Variants in MAGED1 observed in about 807,000 individuals in gnomAD.
MAGED1 encodes the protein MAGE family member D1.
MAGED1 carries 3 observed loss-of-function variants against 54.1 expected under a neutral mutation model. That is an observed-to-expected ratio of 0.06 (90% CI 0.03 to 0.14). The LOEUF is 0.14. Among genes scored for constraint, MAGED1 ranks in the 10% least tolerant of loss-of-function variants. The pLI, the probability that MAGED1 is intolerant of heterozygous loss-of-function variation, is 1.00. For synonymous variants in MAGED1, 217 were observed against 227.3 expected (o/e 0.95, Z 0.41); for missense variants, 485 against 623.4 (o/e 0.78, Z 2.36).
At chrX:51,881,203 A>T (rs1928038313) in intron 1 of MAGED1, among the ~76,000 whole-genome samples, 1 of 110,167 alleles carries the variant, frequency 9.1e-6, no homozygotes. Flanking sequence ...AAGGTCATTA[A>T]TCTCATTATG....
chrX:51,827,423 AG>A (rs1437622836), intron 1 of MAGED1, among the ~76,000 whole-genome samples: 1 of 112,156 alleles, frequency 8.9e-6, no homozygotes, highest in Non-Finnish European at 1.9e-5. Flanking sequence ...TGGGATTTTT[AG>A]GGCAGTGAAT....
At chrX:51,870,403 T>G (rs1197313771) in intron 1 of MAGED1, among the ~76,000 whole-genome samples, 1 of 112,029 alleles carries the variant, frequency 8.9e-6, no homozygotes, top group Non-Finnish European at 1.9e-5. Flanking sequence ...TGAAGTTTTT[T>G]TTGTTGTTGT....
At chrX:51,865,752 C>T (rs1392748553) in intron 1 of MAGED1, among the ~76,000 whole-genome samples, 1 of 110,857 alleles carries the variant, frequency 9.0e-6, no homozygotes, top group Non-Finnish European at 1.9e-5. Context: ...GATTTGTGTC[C>T]CCACCTAAAT....
intron 1 of MAGED1, among the ~76,000 whole-genome samples, chrX:51,806,202 GACCTCGTGATCC>G (rs1557355082): frequency 4.5e-5 from 5 of 109,897 alleles, no homozygotes; most frequent in Non-Finnish European, 1.9e-5. Flanking sequence ...TCGAACTCCT[GACCTCGTGATCC>G]ACCCGCCTGG....
chrX:51,865,253 A>G (rs1011048796), intron 1 of MAGED1, among the ~76,000 whole-genome samples: 3 of 112,119 alleles, frequency 2.7e-5, no homozygotes, highest in Non-Finnish European at 5.6e-5. Context: ...TATCCTGAGT[A>G]TATCTTAGAA....
At chrX:51,832,645 G>A (rs1024734604) in intron 1 of MAGED1, among the ~76,000 whole-genome samples, 4 of 111,581 alleles carry the variant, frequency 3.6e-5, no homozygotes, top group Admixed American at 9.5e-5. Context: ...AAGAAAGATT[G>A]GAAACTTGGT....
intron 1 of MAGED1, among the ~76,000 whole-genome samples, chrX:51,875,909 A>C (rs949290650): frequency 1.8e-5 from 2 of 111,614 alleles, no homozygotes; most frequent in African/African-American, 3.3e-5. Flanking sequence ...CTTGGGGTAG[A>C]TATTCACAGG....
At chrX:51,872,455 C>G (rs1927717220) in intron 1 of MAGED1, among the ~76,000 whole-genome samples, 1 of 112,059 alleles carries the variant, frequency 8.9e-6, no homozygotes, top group Non-Finnish European at 1.9e-5. Context: ...TTTTAAAGGA[C>G]TTTATCATTT....
At chrX:51,838,460 T>G (rs1476002089) in intron 1 of MAGED1, among the ~76,000 whole-genome samples, 3 of 112,470 alleles carry the variant, frequency 2.7e-5, no homozygotes, top group African/African-American at 9.7e-5. Context: ...TTCTTTCCTA[T>G]TGGCAGATTA....
At chrX:51,824,790 A>G (rs1557356837) in intron 1 of MAGED1, among the ~76,000 whole-genome samples, 2 of 96,234 alleles carry the variant, frequency 2.1e-5, no homozygotes, top group Non-Finnish European at 2.0e-5. Context: ...ACACATATAT[A>G]TACGTATATA....
intron 1 of MAGED1, among the ~76,000 whole-genome samples, chrX:51,851,754 C>T (rs1483741395): frequency 9.2e-6 from 1 of 108,877 alleles, no homozygotes; most frequent in Non-Finnish European, 1.9e-5. Context: ...GTGGTACAGC[C>T]AGAGATTTCA....
intron 1 of MAGED1, among the ~76,000 whole-genome samples, chrX:51,821,963 G>A (rs1015739962): frequency 9.0e-6 from 1 of 111,207 alleles, no homozygotes; most frequent in Non-Finnish European, 1.9e-5. Context: ...TTTTTAATAC[G>A]TGTCAGAATT....
intron 1 of MAGED1, among the ~76,000 whole-genome samples, chrX:51,813,503 A>T (rs1332907278): frequency 8.9e-6 from 1 of 111,786 alleles, no homozygotes; most frequent in African/African-American, 3.3e-5. Flanking sequence ...CACAGTAAAA[A>T]CTCAATTTAG....
At chrX:51,877,596 G>A (rs1434658321) in intron 1 of MAGED1, among the ~76,000 whole-genome samples, 1 of 111,328 alleles carries the variant, frequency 9.0e-6, no homozygotes, top group Non-Finnish European at 1.9e-5. Context: ...ATAATCTAGT[G>A]AACAAAAATA....
At chrX:51,861,113 G>C (rs2146986861) in intron 1 of MAGED1, among the ~76,000 whole-genome samples, 1 of 111,604 alleles carries the variant, frequency 9.0e-6, no homozygotes, top group South Asian at 3.8e-4. Context: ...CGGGGCTTCA[G>C]TTTCCACATT....
chrX:51,879,671 TC>T (rs1164015629), intron 1 of MAGED1, among the ~76,000 whole-genome samples: 1 of 111,955 alleles, frequency 8.9e-6, no homozygotes. Flanking sequence ...GTATTCTCTT[TC>T]TCTTCTCCAT....
chrX:51,808,578 A>G (rs2146947211), intron 1 of MAGED1, among the ~76,000 whole-genome samples: 1 of 111,425 alleles, frequency 9.0e-6, no homozygotes, highest in African/African-American at 3.3e-5. Context: ...ACATGGTGGC[A>G]TGTGCTTGTA....
chrX:51,860,388 A>G (rs781861207), intron 1 of MAGED1, among the ~76,000 whole-genome samples: 13 of 111,981 alleles, frequency 1.2e-4, no homozygotes, highest in Non-Finnish European at 2.1e-4. Context: ...GTGGGAATGA[A>G]ATGAGAATAC....
At chrX:51,881,972 A>AATAAATT (rs1928073394) in intron 1 of MAGED1, among the ~76,000 whole-genome samples, 1 of 111,836 alleles carries the variant, frequency 8.9e-6, no homozygotes, top group South Asian at 3.8e-4. Flanking sequence ...AAAAGGTAAT[A>AATAAATT]GAATGCAATA....
Sources: allele counts gnomAD v4.1 joint callset (sites outside exome capture counted in the v4.1 genomes callset), GRCh38; gene constraint gnomAD v4.1.1; transcripts MANE v1.5; gene names NCBI Gene and HGNC (gene_info 2026-07-23, HGNC 2026-07-21).